KDM6A: variants seen among roughly 807,000 people sequenced by gnomAD.
KDM6A encodes lysine-specific demethylase 6A.
Under a neutral mutation model 117.6 loss-of-function variants are expected in KDM6A, and 11 were observed. The ratio of observed to expected loss-of-function variants is 0.09; its 90% CI spans 0.06 to 0.15. The LOEUF is 0.15. Ranked by LOEUF, KDM6A falls within the 10% of genes least tolerant of loss-of-function variation. KDM6A has a pLI of 1.00. For synonymous variants in KDM6A, 384 were observed against 396.1 expected (o/e 0.97, Z 0.36); for missense variants, 799 against 1,077.3 (o/e 0.74, Z 3.62).
chrX:45,027,067 C>G lies in KDM6A; in HGVS notation c.564+6337C>G, dbSNP rs761528042. Among the ~76,000 whole-genome samples, 9 of 109,697 alleles carry G rather than the reference C, an allele frequency of 8.2e-5. No homozygotes were observed. In the South Asian group the frequency reaches 3.5e-3, roughly 43 times the overall value. On this transcript the variant is annotated intron_variant, in intron 6 of 29. Coordinates refer to ENST00000611820, the MANE Select transcript of KDM6A (RefSeq NM_001291415.2). ...CTGTAAACCCAGCACCCAGCACTTT[C>G]GGAGGCTGAGGCGGGTGGATCACCT... is the stretch of plus-strand genomic sequence containing the variant.
chrX:45,001,844 C>G (rs1047684275), intron 4 of KDM6A, among the ~76,000 whole-genome samples: 5 of 110,959 alleles, frequency 4.5e-5, no homozygotes, highest in Non-Finnish European at 7.5e-5. Context: ...CAGCAGTCTC[C>G]GTAGTTAGCA....
chrX:44,886,448 C>T (rs1207508682), intron 2 of KDM6A, among the ~76,000 whole-genome samples: 1 of 109,387 alleles, frequency 9.1e-6, no homozygotes, highest in African/African-American at 3.3e-5. Flanking sequence ...TAATTCATTC[C>T]GTGAATGTGT....
At chrX:44,884,570 G>A (rs1312211993) in intron 2 of KDM6A, among the ~76,000 whole-genome samples, 1 of 111,845 alleles carries the variant, frequency 8.9e-6, no homozygotes, top group Admixed American at 9.6e-5. Flanking sequence ...AAAATGTAAA[G>A]TGTGTGGCAT....
chrX:45,032,374 T>G (rs1468468001), intron 6 of KDM6A, among the ~76,000 whole-genome samples: 2 of 111,705 alleles, frequency 1.8e-5, no homozygotes, highest in Non-Finnish European at 3.8e-5. Context: ...AAATGAGGCT[T>G]TGTGGTCATG....
At chrX:45,038,902 G>GT (rs1327804039) in intron 8 of KDM6A, among the ~76,000 whole-genome samples, 72 of 106,573 alleles carry the variant, frequency 6.8e-4, no homozygotes, top group Admixed American at 1.2e-3. Flanking sequence ...AATACTGTTG[G>GT]TTTTTTTTTT....
At position 44,895,110 on chromosome X, in the gene KDM6A, A is replaced by T. The variant is rs193175687; in HGVS notation, c.225+21123A>T. On this transcript the variant is annotated intron_variant, in intron 2 of 29. Transcript: ENST00000611820. Reference sequence around the variant, plus strand: ...TATTTATTTATTTATTTATTTATTTATTTATTTATTTTAGAGACAGAGTCT... The same window carrying T: ...TATTTATTTATTTATTTATTTATTTTTTTATTTATTTTAGAGACAGAGTCT... Among the ~76,000 whole-genome samples the T allele has an allele frequency of 7.5e-3, 687 of 92,192 alleles. 8 individuals carry two copies. Among genetic ancestry groups the T allele is most frequent in the African/African-American group, 0.029 (662 of 22,780 alleles). The allele number at this position is 92,192 out of a possible 115,157, so 80.1% of individuals were successfully genotyped here. A position where few individuals can be genotyped will look rare whatever the true frequency, so the allele number is the denominator to read the frequency against.
In KDM6A at chrX:45,059,161, C is replaced by T. The variant is rs1055962675; in HGVS notation, c.974+57C>T. 1.0e-5 allele frequency: 12 copies of T among 1,164,652 alleles called. No homozygotes were observed. In the African/African-American group the frequency reaches 1.8e-4, roughly 17 times the overall value. On this transcript the variant is annotated intron_variant, in intron 11 of 29. Transcript: ENST00000611820. ...AATTGATATACAAAGATGGTTGCAT[C>T]ACATATAGTACTTCATAGTTTAAAT... is the stretch of plus-strand genomic sequence containing the variant.
chrX:45,062,383 C>T (rs1395432418), intron 15 of KDM6A, among the ~76,000 whole-genome samples: 1 of 112,256 alleles, frequency 8.9e-6, no homozygotes, highest in African/African-American at 3.2e-5. Flanking sequence ...CCTAAGAATA[C>T]TGTATGGATG....
intron 4 of KDM6A, among the ~76,000 whole-genome samples, chrX:44,980,200 TG>T (rs1340248976): frequency 1.8e-5 from 2 of 110,616 alleles, no homozygotes; most frequent in Non-Finnish European, 3.8e-5. Flanking sequence ...TTCACCATGT[TG>T]GCCAGGATGG....
chrX:44,935,566 A>G, intron 2 of KDM6A, among the ~76,000 whole-genome samples: 1 of 111,500 alleles, frequency 9.0e-6, no homozygotes, highest in Middle Eastern at 4.6e-3. Flanking sequence ...GGTAGTTGCT[A>G]TAAAATCTTC....
intron 2 of KDM6A, among the ~76,000 whole-genome samples, chrX:44,958,802 C>T (rs1335391355): frequency 1.8e-5 from 2 of 109,243 alleles, no homozygotes; most frequent in African/African-American, 3.4e-5. Flanking sequence ...TAAAAATAAT[C>T]CTATTGACTG....
intron 2 of KDM6A, among the ~76,000 whole-genome samples, chrX:44,877,621 A>G (rs1016825972): frequency 1.8e-5 from 2 of 109,718 alleles, no homozygotes; most frequent in Admixed American, 2.0e-4. Context: ...GTTTAAATAT[A>G]GTAGTACTAC....
chrX:44,877,179 G>C (rs1300783595), intron 2 of KDM6A, among the ~76,000 whole-genome samples: 4 of 111,762 alleles, frequency 3.6e-5, no homozygotes, highest in Admixed American at 2.9e-4. Flanking sequence ...TCTCCCGAAT[G>C]TTTTTGTCAG....
intron 2 of KDM6A, among the ~76,000 whole-genome samples, chrX:44,949,897 G>T (rs776342863): frequency 1.8e-5 from 2 of 111,734 alleles, no homozygotes; most frequent in African/African-American, 6.5e-5. Context: ...TTAAATGTGT[G>T]CAGCTTAAAT....
intron 10 of KDM6A, among the ~76,000 whole-genome samples, chrX:45,058,075 T>TCTCCCCCC (rs2044150624): frequency 2.6e-5 from 1 of 38,000 alleles, no homozygotes; most frequent in African/African-American, 1.1e-4. Flanking sequence ...ACTCTTACTC[T>TCTCCCCCC]CCCCCCCCCC....
chrX:45,068,992 A>T (rs1168371115), intron 17 of KDM6A, among the ~76,000 whole-genome samples: 2 of 110,666 alleles, frequency 1.8e-5, no homozygotes, highest in Non-Finnish European at 3.8e-5. Flanking sequence ...CACTGCACCA[A>T]GCCTATCTAG....
chrX:44,873,560 C>T lies in KDM6A; in HGVS notation c.9C>T (p.Ser3=), dbSNP rs1359983262. The change falls in exon 1 of 30, where the codon TCC becomes TCT. Residue 3 remains serine, a synonymous_variant. Coordinates refer to ENST00000611820, the MANE Select transcript of KDM6A (RefSeq NM_001291415.2). ...GAATTCGCTGCGTTTCCATGAAATCCTGCGGAGTGTCGCTCGCTACCGCCG... is the reference window on the plus strand; with the variant it reads ...GAATTCGCTGCGTTTCCATGAAATCTTGCGGAGTGTCGCTCGCTACCGCCG... MK[S]CGVSLATAAA... is the part of the protein sequence containing the mutation. 8.3e-7 allele frequency: 1 copy of T among 1,209,484 alleles called. No homozygotes were observed.
intron 2 of KDM6A, among the ~76,000 whole-genome samples, chrX:44,927,146 T>A (rs2036353569): frequency 9.0e-6 from 1 of 111,125 alleles, no homozygotes; most frequent in South Asian, 3.8e-4. Context: ...TTTCTGTGAG[T>A]TGCAGTTAGT....
intron 4 of KDM6A, among the ~76,000 whole-genome samples, chrX:44,976,187 A>G (rs1438549342): frequency 9.0e-6 from 1 of 111,190 alleles, no homozygotes; most frequent in Non-Finnish European, 1.9e-5. Flanking sequence ...CTGGAATGAA[A>G]CCTCACATAT....
Sources: allele counts gnomAD v4.1 joint callset (sites outside exome capture counted in the v4.1 genomes callset), GRCh38; gene constraint gnomAD v4.1.1; transcripts MANE v1.5; gene names NCBI Gene and HGNC (gene_info 2026-07-23, HGNC 2026-07-21).